GRIA4: variants seen among roughly 807,000 people sequenced by gnomAD.
GRIA4 encodes glutamate receptor 4.
In GRIA4, 34 loss-of-function variants were observed where a neutral mutation model predicts 104.0. The observed-to-expected ratio is 0.33, with a 90% CI of 0.25 to 0.44. The LOEUF is 0.44. Ranked by LOEUF, GRIA4 falls within the 20% of genes least tolerant of loss-of-function variation. The probability of loss-of-function intolerance (pLI) is 1.00; values close to 1 mark genes in which losing one functional copy is unlikely to be tolerated. For synonymous variants in GRIA4, 386 were observed against 381.9 expected, an observed-to-expected ratio of 1.01 and a Z score of -0.13; for missense variants, 750 against 1,096.5, an observed-to-expected ratio of 0.68 and a Z score of 4.46.
At chr11:105,913,750 G>C (rs1947323304) in intron 10 of GRIA4, among the ~76,000 whole-genome samples, 1 of 151,910 alleles carries the variant, frequency 6.6e-6, no homozygotes, top group Admixed American at 6.6e-5. Context: ...TTTCCCCAAA[G>C]CTTTACTACC....
rs1947895283 is a variant in GRIA4, at chr11:105,932,128, G to A, written c.2047-1594G>A. Among the ~76,000 whole-genome samples the A allele has an allele frequency of 2.0e-5, 3 of 151,570 alleles. No individual in the cohort carries two copies. The South Asian group carries it at 6.2e-4, about 31-fold the overall frequency. ...ATGCAGTTGCACCAGACAAGATTCA[G>A]GCTTTTCTTTTCTTTTTTTCTTTTT... On this transcript the variant is annotated intron_variant, in intron 13 of 16. Coordinates refer to ENST00000282499, the MANE Select transcript of GRIA4 (RefSeq NM_000829.4).
chr11:105,778,051 T>G (rs1289291220), intron 4 of GRIA4, among the ~76,000 whole-genome samples: 2 of 152,174 alleles, frequency 1.3e-5, no homozygotes, highest in African/African-American at 4.8e-5. Flanking sequence ...ATAGTCACTT[T>G]GCAGATACTG....
chr11:105,904,349 A>C (rs967576370), intron 8 of GRIA4, among the ~76,000 whole-genome samples: 1 of 152,194 alleles, frequency 6.6e-6, no homozygotes, highest in Admixed American at 6.5e-5. Context: ...TGAATTCTGC[A>C]AAGGGAAATG....
At chr11:105,837,353 T>C (rs935100751) in intron 4 of GRIA4, among the ~76,000 whole-genome samples, 1 of 152,092 alleles carries the variant, frequency 6.6e-6, no homozygotes, top group Non-Finnish European at 1.5e-5. Context: ...ACCCACTATA[T>C]CTTAGAACCA....
At chr11:105,841,797 T>C (rs1378912965) in intron 4 of GRIA4, among the ~76,000 whole-genome samples, 1 of 152,134 alleles carries the variant, frequency 6.6e-6, no homozygotes, top group East Asian at 1.9e-4. Flanking sequence ...AGTTCGGATA[T>C]GCAGTCTTCC....
intron 14 of GRIA4, chr11:105,965,975 C>T (rs1248158895): frequency 1.9e-6 from 3 of 1,612,250 alleles, no homozygotes; most frequent in Non-Finnish European, 1.7e-6. Context: ...AGTTTTAAAA[C>T]TGAATGAACA....
chr11:105,672,006 C>T (rs768987397), intron 3 of GRIA4, among the ~76,000 whole-genome samples: 4 of 152,054 alleles, frequency 2.6e-5, no homozygotes, highest in Non-Finnish European at 1.5e-5. Context: ...ATTATTTCTG[C>T]AGTGCTGGCA....
intron 14 of GRIA4, among the ~76,000 whole-genome samples, chr11:105,969,057 C>A (rs1375905119): frequency 6.6e-6 from 1 of 152,124 alleles, no homozygotes; most frequent in Non-Finnish European, 1.5e-5. Context: ...TGTGGATATT[C>A]ATATAAAATT....
At chr11:105,645,800 A>G (rs1159480787) in intron 3 of GRIA4, among the ~76,000 whole-genome samples, 1 of 152,114 alleles carries the variant, frequency 6.6e-6, no homozygotes, top group Non-Finnish European at 1.5e-5. Context: ...TTGATCGAAC[A>G]TAGAAATAAT....
intron 14 of GRIA4, among the ~76,000 whole-genome samples, chr11:105,950,706 G>T (rs1325944409): frequency 6.6e-6 from 1 of 152,072 alleles, no homozygotes; most frequent in Non-Finnish European, 1.5e-5. Flanking sequence ...AAGACCACCT[G>T]CCTTTCAAGT....
intron 4 of GRIA4, among the ~76,000 whole-genome samples, chr11:105,774,148 T>G (rs570101723): frequency 6.6e-6 from 1 of 151,322 alleles, no homozygotes; most frequent in East Asian, 1.9e-4. Flanking sequence ...AATAAATATA[T>G]GCTAATAGCA....
chr11:105,834,443 A>T (rs1013524747), intron 4 of GRIA4, among the ~76,000 whole-genome samples: 1 of 152,102 alleles, frequency 6.6e-6, no homozygotes, highest in Non-Finnish European at 1.5e-5. Flanking sequence ...CAGCCCACAC[A>T]TTACATGAGT....
intron 4 of GRIA4, among the ~76,000 whole-genome samples, chr11:105,831,862 G>A (rs145031536): frequency 1.4e-4 from 22 of 152,140 alleles, no homozygotes; most frequent in African/African-American, 5.1e-4. Flanking sequence ...CTTCAGAGTT[G>A]TGCAGTGCAA....
At chr11:105,779,231 T>C (rs1941599508) in intron 4 of GRIA4, among the ~76,000 whole-genome samples, 1 of 151,930 alleles carries the variant, frequency 6.6e-6, no homozygotes, top group Admixed American at 6.6e-5. Flanking sequence ...TTGTGAATAG[T>C]GCGACATGAA....
chr11:105,747,770 A>C (rs1327543361), intron 3 of GRIA4, among the ~76,000 whole-genome samples: 1 of 152,218 alleles, frequency 6.6e-6, no homozygotes, highest in African/African-American at 2.4e-5. Context: ...CACTTCTAGC[A>C]ATATATCCTA....
intron 6 of GRIA4, among the ~76,000 whole-genome samples, chr11:105,895,763 T>C (rs925259534): frequency 2.0e-5 from 3 of 152,150 alleles, no homozygotes; most frequent in Non-Finnish European, 1.5e-5. Context: ...CACCATCTTT[T>C]TTCCTACCAC....
chr11:105,947,975 G>A (rs956105687), intron 14 of GRIA4, among the ~76,000 whole-genome samples: 3 of 151,972 alleles, frequency 2.0e-5, no homozygotes, highest in Admixed American at 6.6e-5. Context: ...AGAATTCTTA[G>A]GCTTCAACTA....
chr11:105,883,053 C>A (rs2136085428), intron 5 of GRIA4, among the ~76,000 whole-genome samples: 1 of 152,114 alleles, frequency 6.6e-6, no homozygotes, highest in Non-Finnish European at 1.5e-5. Flanking sequence ...ATGGATATTC[C>A]TAAACAACTC....
Position 105,896,974 on chromosome 11 carries a change from C to A in GRIA4, c.727-1295C>A, listed in dbSNP as rs1207628509. On this transcript the variant is annotated intron_variant, in intron 6 of 16. Transcript: ENST00000282499. ...AATGTTGGTAATTTGATAGGAATTG[C>A]ATTGAATCTGTAGATTGTTTTGGGC... is the stretch of plus-strand genomic sequence containing the variant. Among the ~76,000 whole-genome samples the A allele has an allele frequency of 2.0e-5, 3 of 152,204 alleles. No homozygotes were observed. In the East Asian group the frequency reaches 5.8e-4, roughly 29 times the overall value.
Sources: allele counts gnomAD v4.1 joint callset (sites outside exome capture counted in the v4.1 genomes callset), GRCh38; gene constraint gnomAD v4.1.1; transcripts MANE v1.5; gene names NCBI Gene and HGNC (gene_info 2026-07-23, HGNC 2026-07-21).